GLB1L2: variants seen among roughly 807,000 people sequenced by gnomAD.
The protein encoded by GLB1L2 is galactosidase beta 1 like 2, also known as beta-galactosidase-1-like protein 2.
GLB1L2 carries 68 observed loss-of-function variants against 84.1 expected under a neutral mutation model. That is an observed-to-expected ratio of 0.81 (90% confidence interval 0.67 to 0.99). GLB1L2 has a LOEUF of 0.99. GLB1L2 is among the 50% of genes least tolerant of loss of function. The pLI is 0.00. For synonymous variants in GLB1L2, 290 were observed against 318.0 expected, an observed-to-expected ratio of 0.91 and a Z score of 0.94; for missense variants, 762 against 805.6, an observed-to-expected ratio of 0.95 and a Z score of 0.66.
At position 134,374,148 on chromosome 11, in the gene GLB1L2, C is replaced by T. The variant is rs375650976; in HGVS notation, c.1599C>T (p.Phe533=). 600 of 1,610,372 alleles carry T rather than the reference C, an allele frequency of 3.7e-4. 4 individuals are homozygous for T. The South Asian group carries it at 6.0e-3, about 16-fold the overall frequency. ...LDMKKSFFQR[F]GLDKWSSLPE... is the part of the protein sequence containing the mutation. ...CTTCTCTGTGTTCTGTCCTTAGGTT[C>T]GGCCTGGACAAATGGAGTTCCCTCC... Residue 533 remains phenylalanine (F), a synonymous_variant, in exon 17 of 19, where the codon TTC becomes TTT. Transcript: ENST00000535456.
chr11:134,349,651 T>TA (rs1943598412), intron 5 of GLB1L2, among the ~76,000 whole-genome samples: 1 of 152,234 alleles, frequency 6.6e-6, no homozygotes, highest in African/African-American at 2.4e-5. Flanking sequence ...TGTGAAGTGG[T>TA]ATCTCATGGT....
rs767426605 is a variant in GLB1L2, at chr11:134,364,363, C to G, written c.769C>G (p.Leu257Val). 1.9e-6 allele frequency: 3 copies of G among 1,614,104 alleles called. No homozygotes were observed. The highest frequency in any genetic ancestry group is 2.2e-5 in the East Asian group (1 of 44,888). ...CATCAACTTGCAGTCAACACACGAG[C>G]TGCAGCTACTGACCACCTTTCTCTT... ...ATINLQSTHE[L>V]QLLTTFLFNV... Residue 257 changes from leucine to valine, a missense_variant, in exon 8 of 19, where the codon CTG becomes GTG. Leu to Val is a conservative substitution (Grantham distance 32). This residue lies in a region of GLB1L2 where 603 missense variants were observed against 611.7 expected (regional missense o/e 0.99). Coordinates refer to ENST00000535456, the MANE Select transcript of GLB1L2 (RefSeq NM_001370461.1).
At chr11:134,362,073 T>C (rs777762107) in intron 7 of GLB1L2, among the ~76,000 whole-genome samples, 21 of 152,124 alleles carry the variant, frequency 1.4e-4, no homozygotes, top group Non-Finnish European at 2.8e-4. Context: ...CGGTCATCCT[T>C]GTGTTTGTGT....
At chr11:134,374,447 G>T (rs1943998387) in intron 17 of GLB1L2, among the ~76,000 whole-genome samples, 155 bp from the exon 18 acceptor site, 1 of 152,150 alleles carries the variant, frequency 6.6e-6, no homozygotes, top group South Asian at 2.1e-4. Flanking sequence ...GCACTAGGGG[G>T]ACAGGAAATA....
intron 5 of GLB1L2, chr11:134,355,993 T>C (rs553465265): frequency 9.5e-5 from 50 of 525,590 alleles, no homozygotes; most frequent in African/African-American, 7.2e-4. Context: ...TGTGAAAACA[T>C]CATACAATTT....
In GLB1L2 at chr11:134,338,309, T is replaced by A. The variant is rs1943415962; in HGVS notation, c.87-4445T>A. ...TGACGGGTGATGCAGGGATGCCCGC[T>A]GGCATGGCAGGACGCATTTCAAGCC... On this transcript the variant is annotated intron_variant, in intron 1 of 18. Coordinates refer to ENST00000535456, the MANE Select transcript of GLB1L2 (RefSeq NM_001370461.1). This position sits in a 1 kb window ranked among gnomAD's most constrained non-coding sequence, Gnocchi z 6.2. 6.6e-6 allele frequency among the ~76,000 whole-genome samples: 1 copy of A among 152,156 alleles called. No individual in the cohort carries two copies.
chr11:134,375,094 A>G lies in GLB1L2; in HGVS notation c.*36A>G, dbSNP rs772051149. The G allele has an allele frequency of 6.4e-7, 1 of 1,555,788 alleles. No homozygotes were observed. The highest frequency in any genetic ancestry group is 1.1e-5 in the South Asian group (1 of 88,096). On this transcript the variant is annotated 3_prime_UTR_variant, in exon 19 of 19. Transcript: ENST00000535456. ...CCCCTCCTGCTGGTGCCAGTGGGAG[A>G]CTGCCGCCTCCTCTTGACCTGAAGC... is the stretch of plus-strand genomic sequence containing the variant.
In GLB1L2 at chr11:134,363,722, T is replaced by C. The variant is rs1317117236; in HGVS notation, c.734-606T>C. On this transcript the variant is annotated intron_variant, in intron 7 of 18. Transcript: ENST00000535456. ...CAAGGAAGGATCAGGCTCTGGTTCGTACAAAAGAACAAGGAACAGAGTGCA... is the reference window on the plus strand; with the variant it reads ...CAAGGAAGGATCAGGCTCTGGTTCGCACAAAAGAACAAGGAACAGAGTGCA... 2.6e-5 allele frequency among the ~76,000 whole-genome samples: 4 copies of C among 152,188 alleles called. No individual in the cohort carries two copies. The South Asian group carries it at 6.2e-4, about 24-fold the overall frequency.
At chr11:134,369,227 C>CTT (rs1215963594) in intron 10 of GLB1L2, among the ~76,000 whole-genome samples, 1 of 152,224 alleles carries the variant, frequency 6.6e-6, no homozygotes, top group East Asian at 1.9e-4. Context: ...AGTTATCACT[C>CTT]TGACACCCAG....
chr11:134,353,059 C>A (rs1388957207), intron 5 of GLB1L2, among the ~76,000 whole-genome samples: 1 of 152,110 alleles, frequency 6.6e-6, no homozygotes, highest in East Asian at 1.9e-4. Context: ...TTTCTAGTTT[C>A]ATTCCATTGT....
At chr11:134,351,005 C>T (rs1943622874) in intron 5 of GLB1L2, among the ~76,000 whole-genome samples, 1 of 152,198 alleles carries the variant, frequency 6.6e-6, no homozygotes, top group African/African-American at 2.4e-5. Flanking sequence ...TCCTTTCCAA[C>T]TTGGTTGCCT....
rs200478003 is a variant in GLB1L2, at chr11:134,354,435, ATATTTT to A, written c.559-1862_559-1857del. Among the ~76,000 whole-genome samples the A allele has an allele frequency of 1.5e-3, 234 of 152,040 alleles. 9 individuals are homozygous for A. In the East Asian group the frequency reaches 0.034, roughly 22 times the overall value. ...CACATTGTAAAGAAAAATTATAATA[ATATTTT>A]TATATTTTTTATGTGTCTATCTTTG... is the stretch of plus-strand genomic sequence containing the variant. On this transcript the variant is annotated intron_variant, in intron 5 of 18. Transcript: ENST00000535456.
At chr11:134,363,199 G>A (rs1268497809) in intron 7 of GLB1L2, among the ~76,000 whole-genome samples, 2 of 152,192 alleles carry the variant, frequency 1.3e-5, no homozygotes, top group Admixed American at 6.5e-5. Context: ...CAGGGACAGG[G>A]CAGAGCTATG....
In GLB1L2 at chr11:134,345,462, G is replaced by A. The variant is rs1943540664; in HGVS notation, c.449+333G>A. Among the ~76,000 whole-genome samples, 3 of 152,158 alleles carry A rather than the reference G, an allele frequency of 2.0e-5. No homozygotes were observed. The South Asian group carries it at 6.2e-4, about 31-fold the overall frequency. Reference sequence around the variant, plus strand: ...CGTGTCTGCAGTATGGGAAAAATCCGACCTTCCCTGTCTGTTTCTTTTTTT... The same window carrying A: ...CGTGTCTGCAGTATGGGAAAAATCCAACCTTCCCTGTCTGTTTCTTTTTTT... On this transcript the variant is annotated intron_variant, in intron 4 of 18. Transcript: ENST00000535456.
intron 3 of GLB1L2, 86 bp from the exon 4 acceptor site, chr11:134,344,948 G>A (rs980759004): frequency 4.6e-5 from 67 of 1,456,564 alleles, no homozygotes; most frequent in Non-Finnish European, 1.0e-5. Flanking sequence ...CCACCAGGCA[G>A]CTCCTCCACC....
At position 134,357,646 on chromosome 11, in the gene GLB1L2, C is replaced by T. The variant is rs1459761431; in HGVS notation, c.651+1253C>T. Reference sequence around the variant, plus strand: ...GAGGAGAGTGCAGCTCCCTCAGGGACGTCCTGCTCCACTCATGCTTCCCTG... The same window carrying T: ...GAGGAGAGTGCAGCTCCCTCAGGGATGTCCTGCTCCACTCATGCTTCCCTG... On this transcript the variant is annotated intron_variant, in intron 6 of 18. Coordinates refer to ENST00000535456, the MANE Select transcript of GLB1L2 (RefSeq NM_001370461.1). Among the ~76,000 whole-genome samples the T allele has an allele frequency of 2.6e-5, 4 of 152,234 alleles. No individual in the cohort carries two copies. In the East Asian group the frequency reaches 7.7e-4, roughly 29 times the overall value.
chr11:134,351,519 A>G (rs1005024398), intron 5 of GLB1L2, among the ~76,000 whole-genome samples: 1 of 151,414 alleles, frequency 6.6e-6, no homozygotes, highest in African/African-American at 2.4e-5. Context: ...CTAATTTTGT[A>G]TTTTCAGTAG....
At chr11:134,362,505 C>A (rs79250858) in intron 7 of GLB1L2, among the ~76,000 whole-genome samples, 6 of 152,336 alleles carry the variant, frequency 3.9e-5, no homozygotes, top group Admixed American at 6.5e-5. Context: ...GTTCTTCCCC[C>A]TGGGATGACT....
At chr11:134,357,195 G>A (rs558969510) in intron 6 of GLB1L2, among the ~76,000 whole-genome samples, 19 of 152,340 alleles carry the variant, frequency 1.2e-4, no homozygotes, top group African/African-American at 2.9e-4. Flanking sequence ...CCTGAAGGCC[G>A]GACGGCTTTG....
Sources: gnomAD v4.1 joint callset for allele counts (sites outside exome capture counted in the v4.1 genomes callset) on GRCh38, gnomAD v4.1.1 for gene constraint, gnomAD v4.1.1 regional missense constraint, Gnocchi (gnomAD v3.1) non-coding constraint, MANE v1.5 for transcripts, NCBI Gene and HGNC (gene_info 2026-07-23, HGNC 2026-07-21) for gene names.